Variants in RBPJ observed in about 807,000 individuals in gnomAD.
RBPJ encodes recombination signal binding protein for immunoglobulin kappa J region.
In RBPJ, 9 loss-of-function variants were observed where a neutral mutation model predicts 67.8. The observed-to-expected ratio is 0.13, with a 90% confidence interval of 0.08 to 0.23. The LOEUF (loss-of-function observed/expected upper bound fraction) is 0.23, where lower values mean the gene tolerates loss of function less well. RBPJ is among the 10% of genes least tolerant of loss of function. The probability of loss-of-function intolerance (pLI) is 1.00; values close to 1 mark genes in which losing one functional copy is unlikely to be tolerated. For synonymous variants in RBPJ, 198 were observed against 203.3 expected (o/e 0.97, Z 0.22); for missense variants, 305 against 595.6 (o/e 0.51, Z 5.08).
chr4:26,132,518 T>C, the RBPJ span, among the ~76,000 whole-genome samples: 2 of 152,204 alleles, frequency 1.3e-5, no homozygotes, highest in Non-Finnish European at 2.9e-5. Context: ...GGTTTGAGGC[T>C]TCTGGGAGGC....
chr4:26,428,901 CTG>C (rs1479219474), intron 8 of RBPJ, 41 bp downstream of exon 8: 1 of 1,517,440 alleles, frequency 6.6e-7, no homozygotes, highest in Non-Finnish European at 9.1e-7. Context: ...AATGTACAAA[CTG>C]TGAGGTTAGC....
At chr4:26,215,410 A>G (rs1484425548) in intron 1 of RBPJ, among the ~76,000 whole-genome samples, 2 of 12,040 alleles carry the variant, frequency 1.7e-4, no homozygotes, top group East Asian at 0.022. Flanking sequence ...AGGGGGGGGA[A>G]GGAAGGAAGG....
chr4:26,137,116 G>A, the RBPJ span, among the ~76,000 whole-genome samples: 1 of 152,242 alleles, frequency 6.6e-6, no homozygotes, highest in Admixed American at 6.5e-5. Context: ...CACAGGAGCA[G>A]TGGGAGAGGC....
rs1262683593 is a variant in RBPJ at position 26,215,000 on chromosome 4, GA to G, written c.-167+51388del. On this transcript the variant is annotated intron_variant, in intron 1 of 4. Transcript: ENST00000512351. ...GGAAGGAAGGAGGGAGGGAGGGAGG[GA>G]AGGAAGGAAGGAGAGAAAGAAAGAA... Among the ~76,000 whole-genome samples the G allele has an allele frequency of 2.8e-3, 118 of 42,192 alleles. 3 individuals carry two copies. Among genetic ancestry groups the G allele is most frequent in the African/African-American group, 0.012 (112 of 9,274 alleles). The allele number at this position is 42,192 out of a possible 152,430, so 27.7% of individuals were successfully genotyped here.
chr4:26,300,253 G>A (rs1174362836), intron 1 of RBPJ, among the ~76,000 whole-genome samples: 1 of 152,014 alleles, frequency 6.6e-6, no homozygotes, highest in African/African-American at 2.4e-5. Flanking sequence ...GGGCAGGGGT[G>A]GGGGTGGGTG....
chr4:26,157,101 A>AC, the RBPJ span, among the ~76,000 whole-genome samples: 552 of 134,430 alleles, frequency 4.1e-3, 3 homozygotes, highest in Non-Finnish European at 5.7e-3. Flanking sequence ...AAACAAACAA[A>AC]AACAAACAAA....
At chr4:26,109,425 CCT>C in the RBPJ span, among the ~76,000 whole-genome samples, 30 of 22,906 alleles carry the variant, frequency 1.3e-3, no homozygotes, top group Non-Finnish European at 1.5e-3. Context: ...TCTCTCTCTC[CCT>C]CTCTCTCTCT....
upstream of RBPJ, chr4:26,320,621 C>G (rs894801735): frequency 3.8e-6 from 4 of 1,041,506 alleles, no homozygotes; most frequent in African/African-American, 6.5e-5. Context: ...TCCCAGGACC[C>G]CTCCTCCCTT....
chr4:26,314,159 G>GT (rs1420609582), intron 1 of RBPJ, among the ~76,000 whole-genome samples: 2 of 151,996 alleles, frequency 1.3e-5, no homozygotes, highest in Admixed American at 6.6e-5. Flanking sequence ...CTGTTTTGCA[G>GT]TTTTTTAAAC....
intron 1 of RBPJ, among the ~76,000 whole-genome samples, chr4:26,283,279 T>C (rs1237325087): frequency 6.8e-6 from 1 of 146,518 alleles, no homozygotes; most frequent in Non-Finnish European, 1.5e-5. Context: ...GCGCAGTGGC[T>C]CACGCCTGTA....
chr4:26,191,428 TA>T (rs1318358283), intron 1 of RBPJ, among the ~76,000 whole-genome samples: 1 of 151,654 alleles, frequency 6.6e-6, no homozygotes, highest in African/African-American at 2.4e-5. Context: ...CCATCCCAGG[TA>T]ACATCTGCAT....
intron 2 of RBPJ, among the ~76,000 whole-genome samples, chr4:26,391,084 C>G (rs978277535): frequency 6.6e-6 from 1 of 152,138 alleles, no homozygotes; most frequent in Non-Finnish European, 1.5e-5. Flanking sequence ...GTTAAAATGT[C>G]AGTTCTTCTC....
intron 1 of RBPJ, among the ~76,000 whole-genome samples, chr4:26,207,865 G>A (rs760482037): frequency 1.7e-4 from 26 of 152,192 alleles, no homozygotes; most frequent in Non-Finnish European, 3.5e-4. Flanking sequence ...CCGTCAGGAG[G>A]CCAGGAACCG....
intron 1 of RBPJ, among the ~76,000 whole-genome samples, chr4:26,272,409 A>T (rs1398227552): frequency 6.6e-6 from 1 of 151,972 alleles, no homozygotes; most frequent in Admixed American, 6.6e-5. Context: ...GTACAAAAAA[A>T]ATTTTTTTTT....
chr4:26,187,633 T>C (rs1247446579), intron 1 of RBPJ, among the ~76,000 whole-genome samples: 3 of 152,228 alleles, frequency 2.0e-5, no homozygotes, highest in African/African-American at 7.2e-5. Flanking sequence ...TGAATAACTG[T>C]TACACACTAC....
At position 26,184,591 on chromosome 4, in the gene RBPJ, G is replaced by A. The variant is rs190135258; in HGVS notation, c.-167+20977G>A. On this transcript the variant is annotated intron_variant, in intron 1 of 4. Transcript: ENST00000512351. ...GACAGAAAGAAAGGCCCAAGGTCAA[G>A]ACCTCAGGACCAGTCAAGCAGAGGA... is the stretch of plus-strand genomic sequence containing the variant. Among the ~76,000 whole-genome samples the A allele has an allele frequency of 2.6e-5, 4 of 152,172 alleles. No homozygotes were observed. The East Asian group carries it at 7.7e-4, about 29-fold the overall frequency.
At chr4:26,401,645 G>A (rs541286549) in intron 2 of RBPJ, among the ~76,000 whole-genome samples, 127 of 152,280 alleles carry the variant, frequency 8.3e-4, no homozygotes, top group African/African-American at 2.8e-3. Flanking sequence ...AGACTTTGTA[G>A]TCTATTTGGG....
At chr4:26,379,606 G>C (rs1730110048) in intron 1 of RBPJ, among the ~76,000 whole-genome samples, 1 of 152,096 alleles carries the variant, frequency 6.6e-6, no homozygotes, top group Admixed American at 6.5e-5. Context: ...CATGAGAACA[G>C]CATGGGGGAA....
intron 4 of RBPJ, among the ~76,000 whole-genome samples, chr4:26,417,411 A>G (rs886524096): frequency 1.3e-5 from 2 of 152,068 alleles, no homozygotes; most frequent in African/African-American, 2.4e-5. Flanking sequence ...TTCAACTTCC[A>G]CTAGTATACC....
Sources: gnomAD v4.1 joint callset for allele counts (sites outside exome capture counted in the v4.1 genomes callset) on GRCh38, gnomAD v4.1.1 for gene constraint, MANE v1.5 for transcripts, NCBI Gene and HGNC (gene_info 2026-07-23, HGNC 2026-07-21) for gene names.